IGFBP7: variants seen among roughly 807,000 people sequenced by gnomAD.
IGFBP7 encodes insulin like growth factor binding protein 7, also known as insulin-like growth factor-binding protein 7.
A neutral mutation model predicts 29.4 loss-of-function variants in IGFBP7; 31 were observed. The ratio of observed to expected loss-of-function variants is 1.05; its 90% CI spans 0.79 to 1.42. IGFBP7 has a LOEUF of 1.42. IGFBP7 is among the 40% of genes most tolerant of loss of function. IGFBP7 has a pLI of 0.00. For missense variants in IGFBP7, 393 were observed against 395.5 expected (o/e 0.99, Z 0.05); for synonymous variants, 172 against 174.9 (o/e 0.98, Z 0.13).
chr4:57,071,442 C>T (rs1725052040), intron 1 of IGFBP7, among the ~76,000 whole-genome samples: 1 of 152,172 alleles, frequency 6.6e-6, no homozygotes, highest in African/African-American at 2.4e-5. Flanking sequence ...ACTAAGTTTG[C>T]ACTCAGTCTG....
At chr4:57,034,227 T>G (rs570912193) in intron 2 of IGFBP7, among the ~76,000 whole-genome samples, 40 of 152,318 alleles carry the variant, frequency 2.6e-4, no homozygotes, top group African/African-American at 7.9e-4. Context: ...AGGCAAAATG[T>G]TTTATTATAT....
At chr4:57,069,427 A>C (rs1490796395) in intron 1 of IGFBP7, among the ~76,000 whole-genome samples, 4 of 152,188 alleles carry the variant, frequency 2.6e-5, no homozygotes, top group Non-Finnish European at 5.9e-5. Context: ...GTCTCTACAA[A>C]AAATAAAACA....
chr4:57,042,058 G>A (rs564535712), intron 1 of IGFBP7, among the ~76,000 whole-genome samples: 18 of 152,328 alleles, frequency 1.2e-4, no homozygotes, highest in African/African-American at 3.4e-4. Flanking sequence ...CTCAAGCCAC[G>A]GCCTAAATAG....
At chr4:57,100,149 C>T (rs781131000) in intron 1 of IGFBP7, among the ~76,000 whole-genome samples, 6 of 143,720 alleles carry the variant, frequency 4.2e-5, no homozygotes, top group Non-Finnish European at 7.5e-5. Context: ...TAGCCTCCTG[C>T]AGCCTTGATG....
At chr4:57,097,287 G>C (rs1419977578) in intron 1 of IGFBP7, among the ~76,000 whole-genome samples, 2 of 152,180 alleles carry the variant, frequency 1.3e-5, no homozygotes, top group East Asian at 3.9e-4. Context: ...CATGTCCTCT[G>C]GCCAGCATCC....
chr4:57,091,758 G>C (rs1725646323), intron 1 of IGFBP7, among the ~76,000 whole-genome samples: 1 of 152,202 alleles, frequency 6.6e-6, no homozygotes, highest in South Asian at 2.1e-4. Context: ...AATTGTTGCT[G>C]AATGTGCTGG....
intron 1 of IGFBP7, among the ~76,000 whole-genome samples, chr4:57,044,820 C>A (rs933835643): frequency 1.2e-4 from 19 of 152,292 alleles, no homozygotes; most frequent in African/African-American, 4.1e-4. Flanking sequence ...TGTTCCCCCC[C>A]AATCATCTTA....
chr4:57,049,730 T>C (rs1724457887), intron 1 of IGFBP7, among the ~76,000 whole-genome samples: 2 of 152,194 alleles, frequency 1.3e-5, no homozygotes, highest in South Asian at 2.1e-4. Context: ...GATGCCAGCA[T>C]CCTGTCGGAA....
chr4:57,075,460 T>A (rs1008827847), intron 1 of IGFBP7, among the ~76,000 whole-genome samples: 16 of 152,052 alleles, frequency 1.1e-4, no homozygotes, highest in Non-Finnish European at 1.9e-4. Context: ...GCAGGAGTGA[T>A]CAAAGCTCTA....
chr4:57,039,828 G>A (rs560857436), intron 2 of IGFBP7, among the ~76,000 whole-genome samples: 1 of 152,078 alleles, frequency 6.6e-6, no homozygotes, highest in African/African-American at 2.4e-5. Flanking sequence ...GTCTCACTGT[G>A]TTGGTCAGGC....
intron 1 of IGFBP7, among the ~76,000 whole-genome samples, chr4:57,105,907 A>AT (rs34995246): frequency 0.019 from 2,560 of 135,710 alleles, 66 homozygotes; most frequent in African/African-American, 0.048. Context: ...CATTTTTTAA[A>AT]TTTTTTTTTT....
intron 1 of IGFBP7, among the ~76,000 whole-genome samples, chr4:57,073,931 G>A (rs938106907): frequency 6.6e-6 from 1 of 152,208 alleles, no homozygotes. Context: ...GGAAAGATGG[G>A]AGGACCTAGC....
At chr4:57,069,458 G>T (rs1725002931) in intron 1 of IGFBP7, among the ~76,000 whole-genome samples, 1 of 152,130 alleles carries the variant, frequency 6.6e-6, no homozygotes, top group South Asian at 2.1e-4. Flanking sequence ...AATTAGCCAG[G>T]TCTGGTGGCT....
At chr4:57,039,208 T>C (rs1048775449) in intron 2 of IGFBP7, among the ~76,000 whole-genome samples, 1 of 152,202 alleles carries the variant, frequency 6.6e-6, no homozygotes, top group Non-Finnish European at 1.5e-5. Context: ...AAGATAATTA[T>C]ACAAGATAAT....
intron 1 of IGFBP7, among the ~76,000 whole-genome samples, chr4:57,081,978 C>A (rs1725381281): frequency 6.6e-6 from 1 of 152,034 alleles, no homozygotes; most frequent in Non-Finnish European, 1.5e-5. Flanking sequence ...TTTGGCTTAC[C>A]AGGTGAAAGG....
intron 1 of IGFBP7, among the ~76,000 whole-genome samples, chr4:57,064,530 C>T (rs1343439326): frequency 6.6e-6 from 1 of 152,246 alleles, no homozygotes; most frequent in African/African-American, 2.4e-5. Flanking sequence ...TATTTCCCAA[C>T]ATGAAGAAAC....
At chr4:57,075,313 C>T (rs551113806) in intron 1 of IGFBP7, among the ~76,000 whole-genome samples, 10 of 152,248 alleles carry the variant, frequency 6.6e-5, no homozygotes, top group East Asian at 3.9e-4. Context: ...CAGGAGATCC[C>T]ATAGAATAAT....
chr4:57,104,412 T>A (rs1235587561), intron 1 of IGFBP7, among the ~76,000 whole-genome samples: 1 of 152,166 alleles, frequency 6.6e-6, no homozygotes, highest in Non-Finnish European at 1.5e-5. Flanking sequence ...TACTACTGTG[T>A]TAGTTTAGTG....
chr4:57,088,780 G>A (rs549976374), intron 1 of IGFBP7, among the ~76,000 whole-genome samples: 1 of 152,172 alleles, frequency 6.6e-6, no homozygotes, highest in East Asian at 1.9e-4. Flanking sequence ...TGTAATCCCA[G>A]CATTTTGGGA....
Sources: allele counts gnomAD v4.1 joint callset (sites outside exome capture counted in the v4.1 genomes callset), GRCh38; gene constraint gnomAD v4.1.1; transcripts MANE v1.5; gene names NCBI Gene and HGNC (gene_info 2026-07-23, HGNC 2026-07-21).